Variants in PLXDC2 observed in about 807,000 individuals in gnomAD.
PLXDC2 encodes the protein plexin domain containing 2, also known as plexin domain-containing protein 2.
PLXDC2 carries 40 observed loss-of-function variants against 68.9 expected under a neutral mutation model. The ratio of observed to expected loss-of-function variants is 0.58; its 90% CI spans 0.45 to 0.76. The LOEUF (loss-of-function observed/expected upper bound fraction) is 0.76, where lower values mean the gene tolerates loss of function less well. Ranked by LOEUF, PLXDC2 falls within the 30% of genes least tolerant of loss-of-function variation. PLXDC2 has a pLI of 0.00. For synonymous variants in PLXDC2, 243 were observed against 234.2 expected, an observed-to-expected ratio of 1.04 and a Z score of -0.34; for missense variants, 644 against 661.9, an observed-to-expected ratio of 0.97 and a Z score of 0.30.
chr10:20,016,712 T>C (rs545644104), intron 2 of PLXDC2, among the ~76,000 whole-genome samples: 2 of 152,366 alleles, frequency 1.3e-5, no homozygotes, highest in East Asian at 3.9e-4. Context: ...CAATAACCTA[T>C]GCTGATCAAA....
chr10:20,146,572 C>G (rs932204373), intron 5 of PLXDC2, among the ~76,000 whole-genome samples: 1 of 132,892 alleles, frequency 7.5e-6, no homozygotes, highest in Non-Finnish European at 1.6e-5. Context: ...CGGAGATGCC[C>G]GTGGAAGGAA....
intron 2 of PLXDC2, among the ~76,000 whole-genome samples, chr10:20,009,783 C>G (rs955445360): frequency 6.7e-6 from 1 of 149,890 alleles, no homozygotes; most frequent in Non-Finnish European, 1.5e-5. Flanking sequence ...AGATTTTAAA[C>G]TTCATTGTGT....
chr10:19,833,568 CA>C (rs1836735372), intron 1 of PLXDC2, among the ~76,000 whole-genome samples: 1 of 152,214 alleles, frequency 6.6e-6, no homozygotes, highest in African/African-American at 2.4e-5. Context: ...GTCTCAGAAA[CA>C]GTTTTCTTTT....
chr10:20,042,041 A>G (rs1835692491), intron 2 of PLXDC2, among the ~76,000 whole-genome samples: 1 of 152,184 alleles, frequency 6.6e-6, no homozygotes, highest in South Asian at 2.1e-4. Flanking sequence ...CCAACATTCA[A>G]TCCATAACAT....
At chr10:20,238,723 A>G (rs538002248) in intron 12 of PLXDC2, among the ~76,000 whole-genome samples, 2 of 143,378 alleles carry the variant, frequency 1.4e-5, no homozygotes, top group African/African-American at 5.3e-5. Flanking sequence ...ATATACACAT[A>G]TACATACATA....
intron 4 of PLXDC2, among the ~76,000 whole-genome samples, chr10:20,124,164 G>C (rs1335737566): frequency 6.6e-6 from 1 of 152,178 alleles, no homozygotes; most frequent in African/African-American, 2.4e-5. Context: ...AATAATCAGA[G>C]AGGCATCCCT....
intron 1 of PLXDC2, among the ~76,000 whole-genome samples, chr10:19,923,344 G>T (rs1057049346): frequency 2.0e-5 from 3 of 152,116 alleles, no homozygotes; most frequent in Non-Finnish European, 4.4e-5. Flanking sequence ...TGCCTAGTTA[G>T]AACAATGACA....
At chr10:20,135,782 A>G (rs1833925707) in intron 4 of PLXDC2, among the ~76,000 whole-genome samples, 1 of 152,110 alleles carries the variant, frequency 6.6e-6, no homozygotes, top group African/African-American at 2.4e-5. Flanking sequence ...GTGGTTTATA[A>G]TCCCCAGTGG....
chr10:19,877,400 A>C (rs534408600), intron 1 of PLXDC2, among the ~76,000 whole-genome samples: 176 of 152,304 alleles, frequency 1.2e-3, no homozygotes, highest in African/African-American at 4.1e-3. Flanking sequence ...CCTTTCTTCC[A>C]GGGTAATACA....
At chr10:20,011,837 G>A (rs941669264) in intron 2 of PLXDC2, among the ~76,000 whole-genome samples, 1 of 152,146 alleles carries the variant, frequency 6.6e-6, no homozygotes, top group Non-Finnish European at 1.5e-5. Flanking sequence ...TACTCTGTCC[G>A]TGAACTTATG....
intron 13 of PLXDC2, among the ~76,000 whole-genome samples, chr10:20,266,047 C>T (rs1835868305): frequency 6.6e-6 from 1 of 152,114 alleles, no homozygotes. Flanking sequence ...TAAACTTCTA[C>T]TTTATTATAC....
At chr10:20,012,185 T>A (rs890666578) in intron 2 of PLXDC2, among the ~76,000 whole-genome samples, 2 of 152,154 alleles carry the variant, frequency 1.3e-5, no homozygotes, top group Admixed American at 1.3e-4. Context: ...GTGTTTCTAT[T>A]TTTAAGCAAT....
At chr10:20,056,503 A>T (rs1029827583) in intron 3 of PLXDC2, among the ~76,000 whole-genome samples, 5 of 152,206 alleles carry the variant, frequency 3.3e-5, no homozygotes, top group Admixed American at 6.5e-5. Context: ...TACTGACATA[A>T]TTACATAAAT....
chr10:19,969,383 C>T (rs768545011), intron 1 of PLXDC2, among the ~76,000 whole-genome samples: 1 of 152,166 alleles, frequency 6.6e-6, no homozygotes, highest in Admixed American at 6.5e-5. Context: ...TGTTACCAAC[C>T]TTTCTGACAT....
intron 1 of PLXDC2, among the ~76,000 whole-genome samples, chr10:19,849,327 T>TACAC (rs3043808): frequency 1.6e-4 from 25 of 151,844 alleles, no homozygotes; most frequent in Non-Finnish European, 3.5e-4. Context: ...CTCTCACACA[T>TACAC]ACACACACAA....
chr10:19,946,342 T>A (rs142868670), intron 1 of PLXDC2, among the ~76,000 whole-genome samples: 85 of 152,240 alleles, frequency 5.6e-4, no homozygotes, highest in Middle Eastern at 3.4e-3. Context: ...GCTTCCACTC[T>A]ATCTCTTCAC....
intron 4 of PLXDC2, among the ~76,000 whole-genome samples, chr10:20,070,477 A>G (rs966307044): frequency 2.0e-5 from 3 of 152,222 alleles, no homozygotes; most frequent in Admixed American, 6.5e-5. Flanking sequence ...AAAGGAATAT[A>G]TCTAAATGAA....
At chr10:19,975,898 G>A (rs1299773502) in intron 1 of PLXDC2, among the ~76,000 whole-genome samples, 1 of 152,072 alleles carries the variant, frequency 6.6e-6, no homozygotes, top group African/African-American at 2.4e-5. Context: ...CAGCTACTTG[G>A]GAGGCTGAGG....
At chr10:20,020,093 C>T (rs1490639054) in intron 2 of PLXDC2, among the ~76,000 whole-genome samples, 2 of 150,448 alleles carry the variant, frequency 1.3e-5, no homozygotes, top group Admixed American at 1.3e-4. Context: ...CTCACTAGAG[C>T]CTTGAATTCC....
Sources: allele counts gnomAD v4.1 joint callset (sites outside exome capture counted in the v4.1 genomes callset), GRCh38; gene constraint gnomAD v4.1.1; transcripts MANE v1.5; gene names NCBI Gene and HGNC (gene_info 2026-07-23, HGNC 2026-07-21).